The following NKAIN2 variants were observed in gnomAD, a reference collection of about 807,000 sequenced individuals.
NKAIN2 encodes the protein sodium/potassium-transporting ATPase subunit beta-1-interacting protein 2.
In NKAIN2, 14 loss-of-function variants were observed where a neutral mutation model predicts 32.6. The observed-to-expected ratio is 0.43, with a 90% CI of 0.28 to 0.67. NKAIN2 has a LOEUF of 0.67. NKAIN2 is among the 30% of genes least tolerant of loss of function. NKAIN2 has a pLI of 0.17. For missense variants in NKAIN2, 198 were observed against 258.3 expected, an observed-to-expected ratio of 0.77 and a Z score of 1.60; for synonymous variants, 80 against 87.2, an observed-to-expected ratio of 0.92 and a Z score of 0.46.
chr6:123,962,219 G>A (rs1395244784), intron 1 of NKAIN2, among the ~76,000 whole-genome samples: 1 of 152,078 alleles, frequency 6.6e-6, no homozygotes, highest in Non-Finnish European at 1.5e-5. Context: ...AGAATCCTAG[G>A]TTTTTCATTT....
intron 3 of NKAIN2, among the ~76,000 whole-genome samples, chr6:124,474,852 C>A (rs908293857): frequency 3.4e-5 from 3 of 88,482 alleles, no homozygotes; most frequent in African/African-American, 8.9e-5. Context: ...ATAATATATA[C>A]ATATATATTT....
intron 1 of NKAIN2, among the ~76,000 whole-genome samples, chr6:123,956,478 G>A (rs1777598443): frequency 6.6e-6 from 1 of 152,156 alleles, no homozygotes; most frequent in South Asian, 2.1e-4. Context: ...GCTGTGTAAG[G>A]AGTAGCAAGT....
rs142805696 is a variant in NKAIN2 at position 124,318,849 on chromosome 6, A to G, written c.192+35707A>G. ...CATTGCCTCTCATTTTCAGACCCCA[A>G]GAAAAAGAGATTCCAAAGTCTGCTG... is the stretch of plus-strand genomic sequence containing the variant. On this transcript the variant is annotated intron_variant, in intron 2 of 6. Coordinates refer to ENST00000368417, the MANE Select transcript of NKAIN2 (RefSeq NM_001040214.3). Among the ~76,000 whole-genome samples the G allele has an allele frequency of 1.6e-3, 237 of 152,226 alleles. 4 individuals are homozygous for G. In the East Asian group the frequency reaches 0.041, roughly 26 times the overall value.
At chr6:124,660,338 A>G (rs1784702293) in intron 4 of NKAIN2, among the ~76,000 whole-genome samples, 1 of 152,210 alleles carries the variant, frequency 6.6e-6, no homozygotes, top group Non-Finnish European at 1.5e-5. Flanking sequence ...TGTGCGTAAA[A>G]TAGATTCACA....
intron 1 of NKAIN2, among the ~76,000 whole-genome samples, chr6:123,878,272 A>G (rs1370303455): frequency 6.6e-6 from 1 of 152,186 alleles, no homozygotes; most frequent in Non-Finnish European, 1.5e-5. Flanking sequence ...AAAATACATA[A>G]TATTTTCTGA....
intron 1 of NKAIN2, among the ~76,000 whole-genome samples, chr6:124,140,962 T>C (rs1355947381): frequency 6.6e-6 from 1 of 152,170 alleles, no homozygotes; most frequent in Non-Finnish European, 1.5e-5. Context: ...ACTATGGAGT[T>C]CAACTTGAGA....
intron 3 of NKAIN2, among the ~76,000 whole-genome samples, chr6:124,371,097 A>G (rs71559993): frequency 6.6e-6 from 1 of 152,058 alleles, no homozygotes; most frequent in African/African-American, 2.4e-5. Flanking sequence ...AAAATAAAAA[A>G]CAAAGATAGC....
intron 4 of NKAIN2, among the ~76,000 whole-genome samples, chr6:124,695,846 C>CAG (rs1774472834): frequency 1.3e-5 from 2 of 152,162 alleles, no homozygotes; most frequent in South Asian, 4.1e-4. Flanking sequence ...CAACACTCCT[C>CAG]TAAGTAAAGA....
chr6:124,565,024 A>G (rs996667785), intron 3 of NKAIN2, among the ~76,000 whole-genome samples: 4 of 151,966 alleles, frequency 2.6e-5, no homozygotes, highest in African/African-American at 9.7e-5. Context: ...TAAAGCTTCT[A>G]CCTTTCCCAT....
At chr6:124,429,202 TA>T (rs1775105546) in intron 3 of NKAIN2, among the ~76,000 whole-genome samples, 1 of 139,348 alleles carries the variant, frequency 7.2e-6, no homozygotes, top group African/African-American at 2.7e-5. Context: ...CACTCCTGGC[TA>T]ATTTTTTTTT....
At chr6:124,392,250 T>C (rs1773174117) in intron 3 of NKAIN2, among the ~76,000 whole-genome samples, 1 of 152,148 alleles carries the variant, frequency 6.6e-6, no homozygotes, top group Non-Finnish European at 1.5e-5. Context: ...ACACAAACTG[T>C]AAGCTTTGTA....
intron 1 of NKAIN2, among the ~76,000 whole-genome samples, chr6:124,208,894 G>C: frequency 6.6e-6 from 1 of 151,396 alleles, no homozygotes; most frequent in Non-Finnish European, 1.5e-5. Context: ...TGCAGGTATA[G>C]AATGTGCAAT....
At chr6:124,082,848 A>G (rs1784036354) in intron 1 of NKAIN2, among the ~76,000 whole-genome samples, 1 of 152,004 alleles carries the variant, frequency 6.6e-6, no homozygotes, top group Non-Finnish European at 1.5e-5. Flanking sequence ...AATCAAACGC[A>G]CCAAATATAC....
intron 1 of NKAIN2, among the ~76,000 whole-genome samples, chr6:124,207,636 A>G (rs1056303055): frequency 2.6e-5 from 4 of 151,788 alleles, no homozygotes; most frequent in African/African-American, 9.7e-5. Flanking sequence ...CAAATGTTTT[A>G]GGAAAGAATG....
chr6:124,259,755 A>G (rs985535343), intron 1 of NKAIN2, among the ~76,000 whole-genome samples: 1 of 151,784 alleles, frequency 6.6e-6, no homozygotes, highest in Non-Finnish European at 1.5e-5. Context: ...TGATGCCTAG[A>G]TGACTATTAT....
chr6:124,450,406 C>A (rs891721034), intron 3 of NKAIN2, among the ~76,000 whole-genome samples: 15 of 151,900 alleles, frequency 9.9e-5, no homozygotes, highest in African/African-American at 2.9e-4. Flanking sequence ...AAACTCCCTT[C>A]TTATATGTGC....
At chr6:124,799,929 G>T (rs1780176923) in intron 5 of NKAIN2, among the ~76,000 whole-genome samples, 1 of 152,098 alleles carries the variant, frequency 6.6e-6, no homozygotes, top group Admixed American at 6.6e-5. Flanking sequence ...CCTTCTCATG[G>T]ATAATGGCAT....
intron 1 of NKAIN2, among the ~76,000 whole-genome samples, chr6:123,818,837 CA>C (rs1773806475): frequency 6.6e-6 from 1 of 152,050 alleles, no homozygotes; most frequent in African/African-American, 2.4e-5. Context: ...AAGAACCAGA[CA>C]AAATAGCAGT....
At chr6:123,827,195 G>A (rs1271532284) in intron 1 of NKAIN2, among the ~76,000 whole-genome samples, 1 of 151,898 alleles carries the variant, frequency 6.6e-6, no homozygotes, top group Non-Finnish European at 1.5e-5. Context: ...ACTTTTTGTT[G>A]TTCTTGCTGT....
Sources: allele counts gnomAD v4.1 joint callset (sites outside exome capture counted in the v4.1 genomes callset), GRCh38; gene constraint gnomAD v4.1.1; transcripts MANE v1.5; gene names NCBI Gene and HGNC (gene_info 2026-07-23, HGNC 2026-07-21).